Variants in ZRANB3 observed in about 807,000 individuals in gnomAD.
ZRANB3 encodes zinc finger RANBP2-type containing 3, also known as DNA annealing helicase and endonuclease ZRANB3.
ZRANB3 carries 125 observed loss-of-function variants against 133.8 expected under a neutral mutation model. The ratio of observed to expected loss-of-function variants is 0.93; its 90% CI spans 0.81 to 1.08. The LOEUF (loss-of-function observed/expected upper bound fraction) is 1.08, where lower values mean the gene tolerates loss of function less well. Ranked by LOEUF, ZRANB3 falls within the 50% of genes least tolerant of loss-of-function variation. The pLI, the probability that ZRANB3 is intolerant of heterozygous loss-of-function variation, is 0.00. For synonymous variants in ZRANB3, 387 were observed against 432.7 expected, an observed-to-expected ratio of 0.89 and a Z score of 1.31; for missense variants, 1,229 against 1,275.5, an observed-to-expected ratio of 0.96 and a Z score of 0.56.
intron 6 of ZRANB3, among the ~76,000 whole-genome samples, chr2:135,318,261 T>C (rs1341491106): frequency 8.3e-6 from 1 of 120,600 alleles, no homozygotes; most frequent in Non-Finnish European, 1.9e-5. Context: ...TGTGTGTGTA[T>C]TGGGGGCAGC....
At chr2:135,402,733 G>A (rs185754758) in intron 2 of ZRANB3, among the ~76,000 whole-genome samples, 10 of 151,662 alleles carry the variant, frequency 6.6e-5, no homozygotes, top group African/African-American at 1.9e-4. Context: ...TTACAGGTGC[G>A]GGCCACCACG....
At chr2:135,388,839 G>A (rs142284571) in intron 3 of ZRANB3, among the ~76,000 whole-genome samples, 85 of 152,282 alleles carry the variant, frequency 5.6e-4, no homozygotes, top group African/African-American at 2.0e-3. Flanking sequence ...CACTTTGGGA[G>A]GCAGAGGCGG....
chr2:135,371,703 T>C (rs1210321460), intron 3 of ZRANB3, among the ~76,000 whole-genome samples: 1 of 152,200 alleles, frequency 6.6e-6, no homozygotes, highest in African/African-American at 2.4e-5. Context: ...CCAAGAATAC[T>C]CTATGCTAGA....
At chr2:135,285,937 T>C (rs539823051) in intron 8 of ZRANB3, among the ~76,000 whole-genome samples, 1 of 152,346 alleles carries the variant, frequency 6.6e-6, no homozygotes, top group East Asian at 1.9e-4. Context: ...AAAATAATGA[T>C]ATAGAAGAAA....
chr2:135,365,188 A>T lies in ZRANB3; in HGVS notation c.181-11560T>A, dbSNP rs574285987. 1.3e-4 allele frequency among the ~76,000 whole-genome samples: 20 copies of T among 152,238 alleles called. 1 individual carries two copies. In the South Asian group the frequency reaches 3.9e-3, roughly 30 times the overall value. ...AGGCTGAGGCAGGGGAATTGCTTTA[A>T]CCCAGGAGGCAGTGGTTGCAGTAAG... On this transcript the variant is annotated intron_variant, in intron 3 of 20. Transcript: ENST00000264159.
intron 6 of ZRANB3, among the ~76,000 whole-genome samples, chr2:135,321,013 A>G (rs751812173): frequency 1.5e-4 from 23 of 152,370 alleles, no homozygotes; most frequent in Non-Finnish European, 2.6e-4. Flanking sequence ...ATACATTCCA[A>G]TGTATGGCTA....
At chr2:135,484,791 T>C (rs1692014860) in intron 2 of ZRANB3, among the ~76,000 whole-genome samples, 1 of 151,724 alleles carries the variant, frequency 6.6e-6, no homozygotes, top group African/African-American at 2.4e-5. Context: ...CCCAGCACTT[T>C]GGGAGGCCAA....
chr2:135,512,546 T>C (rs981808641), intron 1 of ZRANB3, among the ~76,000 whole-genome samples: 9 of 151,716 alleles, frequency 5.9e-5, no homozygotes, highest in African/African-American at 2.2e-4. Context: ...AAAAGATTCC[T>C]ATATTAAATT....
intron 8 of ZRANB3, among the ~76,000 whole-genome samples, chr2:135,278,832 T>A (rs953329336): frequency 6.6e-5 from 10 of 152,194 alleles, no homozygotes; most frequent in African/African-American, 1.9e-4. Flanking sequence ...ATAATAAACA[T>A]GGTGAATACT....
chr2:135,224,920 G>A (rs1241266657), intron 14 of ZRANB3, among the ~76,000 whole-genome samples: 2 of 152,130 alleles, frequency 1.3e-5, no homozygotes, highest in Admixed American at 6.5e-5. Context: ...CAGCAACATC[G>A]CTATGTTGAG....
At chr2:135,322,907 C>G (rs1683604908) in intron 6 of ZRANB3, among the ~76,000 whole-genome samples, 1 of 151,876 alleles carries the variant, frequency 6.6e-6, no homozygotes. Context: ...ATCCCAGCTA[C>G]TTGGGAGGCT....
chr2:135,238,822 G>A (rs1025767164), intron 12 of ZRANB3: 8 of 152,360 alleles, frequency 5.3e-5, no homozygotes, highest in East Asian at 1.9e-4. Flanking sequence ...GAAATCCTGC[G>A]GTGTTCCAGT....
At chr2:135,319,072 G>C (rs576619779) in intron 6 of ZRANB3, among the ~76,000 whole-genome samples, 1 of 152,278 alleles carries the variant, frequency 6.6e-6, no homozygotes, top group African/African-American at 2.4e-5. Flanking sequence ...TGAGAAGAGG[G>C]GCAAGTGCCT....
At chr2:135,413,700 A>G (rs1307393410) in intron 2 of ZRANB3, among the ~76,000 whole-genome samples, 6 of 152,128 alleles carry the variant, frequency 3.9e-5, no homozygotes, top group Non-Finnish European at 8.8e-5. Context: ...GACTAATTTG[A>G]TACGCAACCA....
intron 8 of ZRANB3, among the ~76,000 whole-genome samples, chr2:135,305,728 G>A (rs1317192674): frequency 2.6e-5 from 4 of 152,062 alleles, no homozygotes; most frequent in African/African-American, 9.7e-5. Context: ...TTTTTTTCCA[G>A]GTGTAGGGCT....
chr2:135,295,591 T>C (rs938294153), intron 8 of ZRANB3, among the ~76,000 whole-genome samples: 9 of 152,326 alleles, frequency 5.9e-5, no homozygotes, highest in Admixed American at 3.9e-4. Context: ...AAGGTTAATA[T>C]TGTTATGTGT....
chr2:135,467,588 C>G lies in ZRANB3; in HGVS notation c.161+36741G>C, dbSNP rs112431935. ...TCAGAAACCTTTACTATTGAGGATC[C>G]CCCCTTCTTTCATCTGTACTTTCTA... On this transcript the variant is annotated intron_variant, in intron 2 of 20. Coordinates refer to ENST00000264159, the MANE Select transcript of ZRANB3 (RefSeq NM_032143.4). 3.0e-3 allele frequency among the ~76,000 whole-genome samples: 453 copies of G among 152,216 alleles called. 3 individuals are homozygous for G. Among genetic ancestry groups the G allele is most frequent in the African/African-American group, 0.01 (421 of 41,522 alleles).
chr2:135,381,308 C>T (rs779005887), intron 3 of ZRANB3, among the ~76,000 whole-genome samples: 3 of 152,178 alleles, frequency 2.0e-5, no homozygotes, highest in Non-Finnish European at 4.4e-5. Flanking sequence ...GGGGGAGGAG[C>T]GTCCGCCATT....
At chr2:135,435,362 A>G (rs1689488227) in intron 2 of ZRANB3, among the ~76,000 whole-genome samples, 1 of 152,094 alleles carries the variant, frequency 6.6e-6, no homozygotes, top group Non-Finnish European at 1.5e-5. Flanking sequence ...CATGGTGTAT[A>G]TGTATCACAT....
Sources: gnomAD v4.1 joint callset for allele counts (sites outside exome capture counted in the v4.1 genomes callset) on GRCh38, gnomAD v4.1.1 for gene constraint, MANE v1.5 for transcripts, NCBI Gene and HGNC (gene_info 2026-07-23, HGNC 2026-07-21) for gene names.